The following ZNF804B variants were observed in gnomAD, a reference collection of about 807,000 sequenced individuals.
The protein encoded by ZNF804B is zinc finger 804B.
Under a neutral mutation model 101.4 loss-of-function variants are expected in ZNF804B, and 80 were observed. The observed-to-expected ratio is 0.79, with a 90% CI of 0.66 to 0.95. The LOEUF (loss-of-function observed/expected upper bound fraction) is 0.95, where lower values mean the gene tolerates loss of function less well. Among genes scored for constraint, ZNF804B ranks in the 40% least tolerant of loss-of-function variants. ZNF804B has a pLI of 0.00. For synonymous variants in ZNF804B, 622 were observed against 558.8 expected (o/e 1.11, Z -1.59); for missense variants, 1,673 against 1,561.9 (o/e 1.07, Z -1.20).
intron 1 of ZNF804B, among the ~76,000 whole-genome samples, chr7:88,943,580 G>C (rs1793085966): frequency 1.3e-5 from 2 of 151,734 alleles, no homozygotes; most frequent in South Asian, 4.1e-4. Flanking sequence ...TTGTTTTCTT[G>C]CTTAGTTTAG....
At chr7:89,147,247 G>T (rs574000732) in intron 1 of ZNF804B, among the ~76,000 whole-genome samples, 1 of 151,922 alleles carries the variant, frequency 6.6e-6, no homozygotes, top group Non-Finnish European at 1.5e-5. Flanking sequence ...TACGCTGTGA[G>T]TATGTTTCAA....
At chr7:88,812,065 AG>A (rs1281254389) in intron 1 of ZNF804B, among the ~76,000 whole-genome samples, 53 of 152,332 alleles carry the variant, frequency 3.5e-4, no homozygotes, top group African/African-American at 1.2e-3. Context: ...TTCTTGTTAC[AG>A]TAGCCTCTAC....
chr7:88,930,834 A>G (rs1353313303), intron 1 of ZNF804B, among the ~76,000 whole-genome samples: 1 of 151,872 alleles, frequency 6.6e-6, no homozygotes, highest in East Asian at 1.9e-4. Flanking sequence ...GCGTTCCTTT[A>G]TTTTATAGAT....
At chr7:89,293,307 G>A (rs967115490) in intron 2 of ZNF804B, among the ~76,000 whole-genome samples, 4 of 151,908 alleles carry the variant, frequency 2.6e-5, no homozygotes, top group East Asian at 3.9e-4. Flanking sequence ...TGATGGATAC[G>A]TTAATTAGAT....
At chr7:89,229,057 C>T (rs1301746993) in intron 2 of ZNF804B, among the ~76,000 whole-genome samples, 11 of 152,208 alleles carry the variant, frequency 7.2e-5, no homozygotes, top group African/African-American at 1.4e-4. Flanking sequence ...ACCTGGAACT[C>T]GCGCTGGCAC....
intron 1 of ZNF804B, among the ~76,000 whole-genome samples, chr7:88,876,998 G>GAAAAAAAAAAAA (rs1161171786): frequency 3.7e-5 from 2 of 53,878 alleles, no homozygotes; most frequent in African/African-American, 2.3e-4. Flanking sequence ...GAGAATATTT[G>GAAAAAAAAAAAA]AAAAAAAAAA....
At chr7:89,269,619 G>T (rs1009479847) in intron 2 of ZNF804B, among the ~76,000 whole-genome samples, 1 of 152,088 alleles carries the variant, frequency 6.6e-6, no homozygotes, top group Non-Finnish European at 1.5e-5. Context: ...TCTAGTTCTA[G>T]GTCCATGAGG....
At chr7:89,258,272 G>T (rs1379395431) in intron 2 of ZNF804B, among the ~76,000 whole-genome samples, 1 of 151,936 alleles carries the variant, frequency 6.6e-6, no homozygotes, top group Non-Finnish European at 1.5e-5. Context: ...GCAGATTTTG[G>T]TAACCATAGG....
intron 2 of ZNF804B, among the ~76,000 whole-genome samples, chr7:89,273,927 AT>A (rs5885670): frequency 0.46 from 69,593 of 151,802 alleles, 17,261 homozygotes; most frequent in African/African-American, 0.64. Context: ...TCAATAAGAG[AT>A]TTTTTTCTTT....
At chr7:88,940,127 G>A (rs1793035671) in intron 1 of ZNF804B, among the ~76,000 whole-genome samples, 1 of 151,760 alleles carries the variant, frequency 6.6e-6, no homozygotes, top group African/African-American at 2.4e-5. Flanking sequence ...ACCAAAGGAT[G>A]AACTAAATAT....
intron 1 of ZNF804B, among the ~76,000 whole-genome samples, chr7:88,893,079 C>T (rs1025546046): frequency 3.3e-5 from 5 of 151,986 alleles, no homozygotes; most frequent in African/African-American, 1.2e-4. Flanking sequence ...GCTGAGGTTC[C>T]AGATTTTGCT....
chr7:89,192,549 C>A (rs190873559), intron 1 of ZNF804B, among the ~76,000 whole-genome samples: 4 of 151,880 alleles, frequency 2.6e-5, no homozygotes, highest in African/African-American at 9.7e-5. Context: ...TAACCTATAG[C>A]GACTTATTGT....
chr7:89,017,716 T>A (rs1457754391), intron 1 of ZNF804B, among the ~76,000 whole-genome samples: 1 of 152,196 alleles, frequency 6.6e-6, no homozygotes, highest in Non-Finnish European at 1.5e-5. Context: ...TGTATCATTT[T>A]TCTTATAGAG....
chr7:89,241,630 T>A (rs781715691), intron 2 of ZNF804B, among the ~76,000 whole-genome samples: 1 of 152,080 alleles, frequency 6.6e-6, no homozygotes, highest in Non-Finnish European at 1.5e-5. Context: ...CAAATATAAT[T>A]TTGCTCCCTC....
chr7:88,766,875 G>C (rs1789992366), intron 1 of ZNF804B, among the ~76,000 whole-genome samples: 1 of 152,114 alleles, frequency 6.6e-6, no homozygotes, highest in Non-Finnish European at 1.5e-5. Context: ...TTCATTTCTA[G>C]CAAGTATAAT....
At chr7:88,994,849 C>G (rs895826874) in intron 1 of ZNF804B, among the ~76,000 whole-genome samples, 1 of 151,938 alleles carries the variant, frequency 6.6e-6, no homozygotes, top group Non-Finnish European at 1.5e-5. Flanking sequence ...ACAACTTATC[C>G]TCTTCATCAA....
chr7:88,824,040 A>G (rs1414926513), intron 1 of ZNF804B, among the ~76,000 whole-genome samples: 1 of 152,116 alleles, frequency 6.6e-6, no homozygotes, highest in Non-Finnish European at 1.5e-5. Context: ...CACATGTACA[A>G]TAGCCTGTGT....
At chr7:88,876,274 T>TC (rs1338929646) in intron 1 of ZNF804B, among the ~76,000 whole-genome samples, 1 of 152,188 alleles carries the variant, frequency 6.6e-6, no homozygotes, top group Non-Finnish European at 1.5e-5. Context: ...GCAAATTCCT[T>TC]AAGTGACTCT....
At chr7:89,253,327 T>C (rs1339396814) in intron 2 of ZNF804B, among the ~76,000 whole-genome samples, 2 of 152,158 alleles carry the variant, frequency 1.3e-5, no homozygotes, top group Non-Finnish European at 2.9e-5. Flanking sequence ...AGGCAATTTT[T>C]ATAAACTAAA....
Sources: gnomAD v4.1 joint callset for allele counts (sites outside exome capture counted in the v4.1 genomes callset) on GRCh38, gnomAD v4.1.1 for gene constraint, MANE v1.5 for transcripts, NCBI Gene and HGNC (gene_info 2026-07-23, HGNC 2026-07-21) for gene names.